Variants in ELMO1 observed in about 807,000 individuals in gnomAD.
ELMO1 encodes engulfment and cell motility protein 1.
A neutral mutation model predicts 98.9 loss-of-function variants in ELMO1; 26 were observed. The observed-to-expected ratio is 0.26, with a 90% CI of 0.19 to 0.36. ELMO1 has a LOEUF of 0.36. ELMO1 is among the 10% of genes least tolerant of loss of function. The pLI is 1.00. For missense variants in ELMO1, 627 were observed against 935.2 expected, an observed-to-expected ratio of 0.67 and a Z score of 4.30; for synonymous variants, 346 against 346.0, an observed-to-expected ratio of 1.00 and a Z score of 0.00.
intron 13 of ELMO1, among the ~76,000 whole-genome samples, chr7:37,162,709 CG>C: frequency 6.6e-6 from 1 of 152,022 alleles, no homozygotes; most frequent in East Asian, 1.9e-4. Context: ...ATGAAGAAAC[CG>C]GCAAAAAAAT....
At chr7:37,389,095 A>G (rs760971896) in intron 1 of ELMO1, among the ~76,000 whole-genome samples, 2 of 152,192 alleles carry the variant, frequency 1.3e-5, no homozygotes, top group Admixed American at 6.5e-5. Context: ...TTTAAACTTT[A>G]ATTCAAGGAA....
chr7:37,263,193 T>G (rs984974766), intron 5 of ELMO1, among the ~76,000 whole-genome samples: 2 of 151,810 alleles, frequency 1.3e-5, no homozygotes, highest in Non-Finnish European at 2.9e-5. Context: ...CTGAAAAGAT[T>G]GGAGTTTTGT....
chr7:37,114,161 C>A (rs773673198), intron 14 of ELMO1, among the ~76,000 whole-genome samples: 5 of 152,172 alleles, frequency 3.3e-5, no homozygotes, highest in Non-Finnish European at 1.5e-5. Flanking sequence ...GTGATGTGAT[C>A]TGACCAATAC....
intron 14 of ELMO1, among the ~76,000 whole-genome samples, chr7:37,126,097 T>C (rs955628852): frequency 8.6e-5 from 13 of 150,984 alleles, no homozygotes; most frequent in Middle Eastern, 6.9e-3. Flanking sequence ...AACTGAACAA[T>C]GAGAACACTT....
At chr7:37,360,545 A>G (rs907407625) in intron 1 of ELMO1, among the ~76,000 whole-genome samples, 1 of 152,156 alleles carries the variant, frequency 6.6e-6, no homozygotes, top group Non-Finnish European at 1.5e-5. Flanking sequence ...CAGATGCATA[A>G]CTTTTTAGAG....
intron 15 of ELMO1, among the ~76,000 whole-genome samples, chr7:37,062,177 T>A (rs976840111): frequency 6.6e-6 from 1 of 152,232 alleles, no homozygotes; most frequent in African/African-American, 2.4e-5. Flanking sequence ...AGAAATGCAG[T>A]GCAAGTATTT....
chr7:37,054,439 T>C (rs1184175661), intron 15 of ELMO1, among the ~76,000 whole-genome samples: 1 of 152,200 alleles, frequency 6.6e-6, no homozygotes, highest in Non-Finnish European at 1.5e-5. Context: ...AGATTGGTTA[T>C]GAGCATAAGA....
chr7:37,293,362 T>C (rs1797852983), intron 4 of ELMO1, among the ~76,000 whole-genome samples: 1 of 106,968 alleles, frequency 9.3e-6, no homozygotes. Flanking sequence ...CTTTTCATTT[T>C]GTTCTGTACT....
chr7:36,937,584 T>C (rs1439945848), intron 16 of ELMO1, among the ~76,000 whole-genome samples: 3 of 152,192 alleles, frequency 2.0e-5, no homozygotes, highest in Admixed American at 2.0e-4. Context: ...ATGAACACAG[T>C]GCTTATTCAG....
intron 13 of ELMO1, 54 bp downstream of exon 13, chr7:37,211,332 G>A (rs953588150): frequency 6.2e-7 from 1 of 1,612,308 alleles, no homozygotes; most frequent in Non-Finnish European, 8.5e-7. Context: ...ATGTGGCTGA[G>A]GTCAGGCCCG....
At chr7:37,314,660 T>C (rs567253116) in intron 4 of ELMO1, among the ~76,000 whole-genome samples, 190 bp downstream of exon 4, 1 of 152,292 alleles carries the variant, frequency 6.6e-6, no homozygotes, top group South Asian at 2.1e-4. Flanking sequence ...TATTTGGTCT[T>C]TACTCTTGAG....
intron 13 of ELMO1, among the ~76,000 whole-genome samples, chr7:37,175,229 G>C (rs1446354649): frequency 6.6e-6 from 1 of 152,236 alleles, no homozygotes; most frequent in Non-Finnish European, 1.5e-5. Flanking sequence ...CATATCCATA[G>C]TGTTTGTTCC....
chr7:37,386,598 G>C (rs949044104), intron 1 of ELMO1, among the ~76,000 whole-genome samples: 5 of 145,560 alleles, frequency 3.4e-5, no homozygotes, highest in Non-Finnish European at 7.8e-5. Context: ...CTCAGGTCAG[G>C]TTTAGTAGAG....
intron 1 of ELMO1, among the ~76,000 whole-genome samples, chr7:37,361,521 G>A (rs1191943993): frequency 2.6e-5 from 4 of 152,120 alleles, no homozygotes; most frequent in South Asian, 2.1e-4. Flanking sequence ...AGACCATCCC[G>A]CCTGTAAGCC....
At chr7:37,066,808 T>G (rs1285055339) in intron 15 of ELMO1, among the ~76,000 whole-genome samples, 1 of 152,196 alleles carries the variant, frequency 6.6e-6, no homozygotes, top group East Asian at 1.9e-4. Context: ...AAGAGAACAT[T>G]GGACTCAAGA....
intron 8 of ELMO1, among the ~76,000 whole-genome samples, chr7:37,227,928 C>T (rs565619386): frequency 2.3e-4 from 35 of 152,214 alleles, no homozygotes; most frequent in South Asian, 1.0e-3. Flanking sequence ...ATTCATGTTC[C>T]TAGTAATTCA....
At chr7:36,956,095 AC>A (rs563149727) in intron 16 of ELMO1, among the ~76,000 whole-genome samples, 199 of 152,210 alleles carry the variant, frequency 1.3e-3, no homozygotes, top group African/African-American at 4.5e-3. Context: ...TTATCTCAAT[AC>A]CTGTTCCCTT....
intron 1 of ELMO1, among the ~76,000 whole-genome samples, chr7:37,375,194 T>C (rs944958545): frequency 1.2e-4 from 19 of 152,228 alleles, no homozygotes; most frequent in African/African-American, 4.6e-4. Context: ...CATAATCATA[T>C]TGTAGCAGAT....
intron 15 of ELMO1, among the ~76,000 whole-genome samples, chr7:37,021,824 G>A (rs982243843): frequency 6.6e-6 from 1 of 152,042 alleles, no homozygotes; most frequent in South Asian, 2.1e-4. Flanking sequence ...AATTATTATT[G>A]TACCTAGCTA....
Sources: gnomAD v4.1 joint callset for allele counts (sites outside exome capture counted in the v4.1 genomes callset) on GRCh38, gnomAD v4.1.1 for gene constraint, MANE v1.5 for transcripts, NCBI Gene and HGNC (gene_info 2026-07-23, HGNC 2026-07-21) for gene names.